The following CLSTN2 variants were observed in gnomAD, a reference collection of about 807,000 sequenced individuals.
CLSTN2 encodes the protein calsyntenin 2.
In CLSTN2, 48 loss-of-function variants were observed where a neutral mutation model predicts 101.2. The observed-to-expected ratio is 0.47, with a 90% CI of 0.38 to 0.60. CLSTN2 has a LOEUF of 0.60. CLSTN2 is among the 20% of genes least tolerant of loss of function. The pLI is 0.00. For synonymous variants in CLSTN2, 481 were observed against 463.6 expected (o/e 1.04, Z -0.48); for missense variants, 1,160 against 1,238.2 (o/e 0.94, Z 0.95).
intron 1 of CLSTN2, among the ~76,000 whole-genome samples, chr3:140,119,318 G>A (rs1341804105): frequency 6.6e-6 from 1 of 152,218 alleles, no homozygotes; most frequent in Non-Finnish European, 1.5e-5. Flanking sequence ...TCTGCACTTA[G>A]ATGCTGAGGC....
intron 1 of CLSTN2, among the ~76,000 whole-genome samples, chr3:140,078,373 G>A (rs2008529210): frequency 1.3e-5 from 2 of 152,170 alleles, no homozygotes; most frequent in Admixed American, 6.5e-5. Context: ...GGAGATGACT[G>A]GGGCAGAACT....
At chr3:140,181,988 A>G (rs1235840449) in intron 2 of CLSTN2, among the ~76,000 whole-genome samples, 11 of 152,226 alleles carry the variant, frequency 7.2e-5, no homozygotes, top group Non-Finnish European at 1.3e-4. Flanking sequence ...AGCATTAAAG[A>G]GTGCTGAATC....
intron 6 of CLSTN2, among the ~76,000 whole-genome samples, chr3:140,451,916 A>T (rs1000986486): frequency 6.6e-6 from 1 of 152,216 alleles, no homozygotes; most frequent in Middle Eastern, 3.2e-3. Flanking sequence ...ACCAATGAGG[A>T]TATTAGAGCC....
intron 2 of CLSTN2, among the ~76,000 whole-genome samples, chr3:140,336,941 C>T (rs551641800): frequency 2.0e-5 from 3 of 152,192 alleles, no homozygotes; most frequent in African/African-American, 4.8e-5. Context: ...TTCCCCACAC[C>T]ACCAATAATT....
chr3:139,987,760 C>A (rs1459491657), intron 1 of CLSTN2, among the ~76,000 whole-genome samples: 4 of 152,144 alleles, frequency 2.6e-5, no homozygotes, highest in African/African-American at 7.2e-5. Flanking sequence ...AGGTACCAGG[C>A]AAACAACAAA....
At chr3:140,187,952 T>A (rs573288808) in intron 2 of CLSTN2, among the ~76,000 whole-genome samples, 1 of 152,164 alleles carries the variant, frequency 6.6e-6, no homozygotes, top group African/African-American at 2.4e-5. Flanking sequence ...TCAGCACTGA[T>A]CAAAGGAATC....
At chr3:140,025,867 T>C (rs2007409930) in intron 1 of CLSTN2, among the ~76,000 whole-genome samples, 1 of 152,082 alleles carries the variant, frequency 6.6e-6, no homozygotes, top group African/African-American at 2.4e-5. Context: ...ACTGGGGCCA[T>C]GTAATGAAAT....
intron 1 of CLSTN2, among the ~76,000 whole-genome samples, chr3:140,008,629 A>G (rs1364852157): frequency 1.3e-5 from 2 of 152,246 alleles, no homozygotes; most frequent in Non-Finnish European, 2.9e-5. Context: ...CTCTGCCTGG[A>G]TCAGAGCCAA....
chr3:140,130,787 G>A (rs1458714442), intron 1 of CLSTN2, among the ~76,000 whole-genome samples: 2 of 152,118 alleles, frequency 1.3e-5, no homozygotes, highest in Non-Finnish European at 2.9e-5. Context: ...GTATATTCCT[G>A]TGATATATTT....
rs1417474963 is a variant in CLSTN2, at chr3:140,319,955, G to A, written c.233-83674G>A. Among the ~76,000 whole-genome samples, 3 of 152,204 alleles carry A rather than the reference G, an allele frequency of 2.0e-5. No homozygotes were observed. In the East Asian group the frequency reaches 5.8e-4, roughly 29 times the overall value. ...TTATGGCTTTTCCATTTTATTGCAA[G>A]TGCATTCCCAGCAGTCTCTGAACAC... is the stretch of plus-strand genomic sequence containing the variant. On this transcript the variant is annotated intron_variant, in intron 2 of 16. Transcript: ENST00000458420.
In CLSTN2 at chr3:140,419,533, A is replaced by G. The variant is rs1227714863; in HGVS notation, c.638-1592A>G. 5.0e-5 allele frequency among the ~76,000 whole-genome samples: 3 copies of G among 60,580 alleles called. 1 individual carries two copies. Among genetic ancestry groups the G allele is most frequent in the Non-Finnish European group, 8.0e-5 (3 of 37,716 alleles). The allele number at this position is 60,580 out of a possible 152,430, so 39.7% of individuals were successfully genotyped here. A position where few individuals can be genotyped will look rare whatever the true frequency, so the allele number is the denominator to read the frequency against. On this transcript the variant is annotated intron_variant, in intron 4 of 16. Transcript: ENST00000458420. Reference sequence around the variant, plus strand: ...TATATACACACACATATGTGTGTGTATATATATACATATATACGTGTACGT... The same window carrying G: ...TATATACACACACATATGTGTGTGTGTATATATACATATATACGTGTACGT...
intron 2 of CLSTN2, among the ~76,000 whole-genome samples, chr3:140,329,758 A>C: frequency 6.6e-6 from 1 of 152,228 alleles, no homozygotes; most frequent in East Asian, 1.9e-4. Flanking sequence ...CAAAACAGGC[A>C]TGGGGATCTA....
At chr3:140,422,982 C>A (rs769489420) in intron 5 of CLSTN2, among the ~76,000 whole-genome samples, 5 of 152,100 alleles carry the variant, frequency 3.3e-5, no homozygotes, top group Admixed American at 2.0e-4. Flanking sequence ...GAACGTGTGG[C>A]CTTTGAAGAG....
intron 2 of CLSTN2, among the ~76,000 whole-genome samples, chr3:140,298,898 G>A (rs2107908275): frequency 6.6e-6 from 1 of 152,274 alleles, no homozygotes; most frequent in African/African-American, 2.4e-5. Context: ...TAAAAGCTAG[G>A]GGACTTGGGA....
intron 8 of CLSTN2, among the ~76,000 whole-genome samples, chr3:140,485,064 CTCTGT>C (rs1934207976): frequency 6.6e-6 from 1 of 152,146 alleles, no homozygotes; most frequent in Non-Finnish European, 1.5e-5. Flanking sequence ...AGTTTTTGTG[CTCTGT>C]TTTTCCCCCA....
intron 1 of CLSTN2, among the ~76,000 whole-genome samples, chr3:140,103,823 T>G (rs1222884127): frequency 6.6e-6 from 1 of 152,162 alleles, no homozygotes; most frequent in Non-Finnish European, 1.5e-5. Context: ...AAAGAGTTTA[T>G]GGACTAAATG....
intron 8 of CLSTN2, among the ~76,000 whole-genome samples, chr3:140,473,187 C>T (rs1178720647): frequency 6.6e-6 from 1 of 152,244 alleles, no homozygotes; most frequent in Non-Finnish European, 1.5e-5. Context: ...CTGAGCCATG[C>T]TCGTTCCATC....
chr3:140,516,497 G>A (rs1934918988), intron 8 of CLSTN2, among the ~76,000 whole-genome samples: 1 of 150,912 alleles, frequency 6.6e-6, no homozygotes, highest in South Asian at 2.1e-4. Flanking sequence ...AGATTTAGAG[G>A]TGCTTTTAGC....
chr3:140,360,740 T>A (rs2087721942), intron 2 of CLSTN2, among the ~76,000 whole-genome samples: 1 of 151,950 alleles, frequency 6.6e-6, no homozygotes, highest in African/African-American at 2.4e-5. Flanking sequence ...GCCAATAAAT[T>A]AAACAATTTT....
Sources: allele counts gnomAD v4.1 joint callset (sites outside exome capture counted in the v4.1 genomes callset), GRCh38; gene constraint gnomAD v4.1.1; transcripts MANE v1.5; gene names NCBI Gene and HGNC (gene_info 2026-07-23, HGNC 2026-07-21).